KCTD13: variants seen among roughly 807,000 people sequenced by gnomAD.
The protein encoded by KCTD13 is potassium channel tetramerization domain containing 13, also known as BTB/POZ domain-containing adapter for CUL3-mediated RhoA degradation protein 1.
A neutral mutation model predicts 32.3 loss-of-function variants in KCTD13; 15 were observed. The observed-to-expected ratio is 0.46, with a 90% CI of 0.31 to 0.71. KCTD13 has a LOEUF of 0.71. Ranked by LOEUF, KCTD13 falls within the 30% of genes least tolerant of loss-of-function variation. The pLI, the probability that KCTD13 is intolerant of heterozygous loss-of-function variation, is 0.05. For synonymous variants in KCTD13, 189 were observed against 200.1 expected (o/e 0.94, Z 0.47); for missense variants, 337 against 452.6 (o/e 0.74, Z 2.32).
intron 2 of KCTD13, chr16:29,922,944 TG>T: frequency 4.1e-6 from 2 of 491,624 alleles, no homozygotes; most frequent in Non-Finnish European, 7.2e-6. Flanking sequence ...CTGGACTGGC[TG>T]CATAGGAACA....
intron 2 of KCTD13, chr16:29,922,747 G>T: frequency 2.6e-6 from 1 of 385,310 alleles, no homozygotes; most frequent in Non-Finnish European, 4.6e-6. Context: ...AAAGCTCCTG[G>T]GGGGCGGAAG....
Position 29,911,807 on chromosome 16 carries a change from G to A in KCTD13, c.557+8C>T, listed in dbSNP as rs773174042. 2 of 1,612,466 alleles carry A rather than the reference G, an allele frequency of 1.2e-6. No homozygotes were observed. The highest frequency in any genetic ancestry group is 2.2e-5 in the East Asian group (1 of 44,868). On this transcript the variant is annotated splice_region_variant and intron_variant, in intron 4 of 5. Coordinates refer to ENST00000568000, the MANE Select transcript of KCTD13 (RefSeq NM_178863.5). Reference sequence around the variant, plus strand: ...GTCCCGCCCAGTGCCCCGCACCCCGGCGGTCACCTGGTGTAGGAGTACTTG... The same window carrying A: ...GTCCCGCCCAGTGCCCCGCACCCCGACGGTCACCTGGTGTAGGAGTACTTG...
intron 2 of KCTD13, among the ~76,000 whole-genome samples, chr16:29,916,059 G>C (rs993458890): frequency 1.3e-5 from 2 of 152,026 alleles, no homozygotes; most frequent in Non-Finnish European, 1.5e-5. Context: ...AAGCTCCTTA[G>C]CTAGACCATC....
chr16:29,920,288 C>T (rs1239317782), intron 2 of KCTD13: 1 of 152,140 alleles, frequency 6.6e-6, no homozygotes, highest in Non-Finnish European at 1.5e-5. Context: ...CGCGCCACTG[C>T]ACTCCACCCT....
chr16:29,920,962 G>T (rs930883505), intron 2 of KCTD13: 2 of 152,118 alleles, frequency 1.3e-5, no homozygotes, highest in Non-Finnish European at 2.9e-5. Context: ...CGGTTTGTAG[G>T]GGCAGGAACT....
intron 2 of KCTD13, chr16:29,914,450 T>G (rs75365923): frequency 6.6e-6 from 1 of 151,430 alleles, no homozygotes; most frequent in Non-Finnish European, 1.5e-5. Context: ...TTTTTTTTTT[T>G]TTTGAAATGG....
intron 5 of KCTD13, among the ~76,000 whole-genome samples, chr16:29,908,461 T>G (rs567586850): frequency 6.6e-6 from 1 of 152,260 alleles, no homozygotes; most frequent in African/African-American, 2.4e-5. Flanking sequence ...CTCAGCTCAC[T>G]GCAACCTCCA....
intron 1 of KCTD13, chr16:29,925,442 T>C (rs1370505692): frequency 2.8e-6 from 1 of 355,974 alleles, no homozygotes; most frequent in Non-Finnish European, 5.3e-6. Flanking sequence ...GGAGTAGTAC[T>C]GCAGGCAGCA....
At chr16:29,909,048 C>CTCAT (rs2068660581) in intron 5 of KCTD13, among the ~76,000 whole-genome samples, 3 of 132,428 alleles carry the variant, frequency 2.3e-5, no homozygotes, top group Non-Finnish European at 5.4e-5. Context: ...AGCTGGGTCA[C>CTCAT]TGATTCATTC....
chr16:29,912,965 C>G (rs549341628), intron 2 of KCTD13, among the ~76,000 whole-genome samples: 4 of 152,156 alleles, frequency 2.6e-5, no homozygotes, highest in Non-Finnish European at 2.9e-5. Context: ...TCTCTTCTGT[C>G]TTCTAGAATC....
At chr16:29,916,794 A>G (rs11647753) in intron 2 of KCTD13, among the ~76,000 whole-genome samples, 88,742 of 152,092 alleles carry the variant, frequency 0.58, 26,189 homozygotes, top group Non-Finnish European at 0.62. Context: ...CTGGCCCAGA[A>G]TCTGTCATGA....
At chr16:29,922,000 T>G (rs2068922977) in intron 2 of KCTD13, 2 of 152,068 alleles carry the variant, frequency 1.3e-5, no homozygotes, top group Non-Finnish European at 2.9e-5. Flanking sequence ...AGAGCAGGAA[T>G]GCACTTCCAA....
intron 5 of KCTD13, among the ~76,000 whole-genome samples, chr16:29,910,579 G>C (rs188676019): frequency 6.6e-6 from 1 of 152,052 alleles, no homozygotes; most frequent in South Asian, 2.1e-4. Context: ...GGCTGGTCTC[G>C]AACTCCTGGG....
In KCTD13 at chr16:29,925,985, C is replaced by T. The variant is rs774583685; in HGVS notation, c.49G>A (p.Glu17Lys). ...GPAAAAAPSLEAPKPSGLEPG... is the reference protein window; with the variant it reads ...GPAAAAAPSLKAPKPSGLEPG... ...TCGAGACCCGAGGGCTTGGGGGCTT[C>T]CAGGGACGGGGCCGCGGCGGCAGCC... is the stretch of plus-strand genomic sequence containing the variant. The change falls in exon 1 of 6, where the codon GAA becomes AAA. Residue 17 changes from glutamate (E) to lysine (K), a missense_variant. Transcript: ENST00000568000. The T allele has an allele frequency of 2.5e-6, 4 of 1,606,344 alleles. No homozygotes were observed. The highest frequency in any genetic ancestry group is 3.4e-5 in the Admixed American group (2 of 59,230).
At position 29,926,054 on chromosome 16, in the gene KCTD13, G is replaced by A. The variant is rs1459131396; in HGVS notation, c.-21C>T. On this transcript the variant is annotated 5_prime_UTR_variant, in exon 1 of 6. Transcript: ENST00000568000. ...GACATGCCGGGTAGCAGCGGCGGAC[G>A]GCGATCCCAGGATCTCTCCGCGCCC... 2.0e-6 allele frequency: 3 copies of A among 1,476,670 alleles called. No homozygotes were observed. The highest frequency in any genetic ancestry group is 2.5e-5 in the East Asian group (1 of 40,446). 91.5% of individuals were successfully genotyped at this position (1,476,670 alleles called of 1,614,324 possible).
Position 29,925,961 on chromosome 16 carries a change from C to T in KCTD13, c.73G>A (p.Glu25Lys), listed in dbSNP as rs748493723. ...SLEAPKPSGL[E>K]PGPAAYGLKP... ...AGACCGTAGGCGGCGGGGCCAGGCT[C>T]GAGACCCGAGGGCTTGGGGGCTTCC... The change falls in exon 1 of 6, where the codon GAG (glutamate) becomes AAG (lysine). Residue 25 changes from glutamate to lysine, a missense_variant. Transcript: ENST00000568000. 2 of 1,613,214 alleles carry T rather than the reference C, an allele frequency of 1.2e-6. No individual in the cohort carries two copies. Among genetic ancestry groups the T allele is most frequent in the South Asian group, 2.2e-5 (2 of 91,052 alleles).
intron 2 of KCTD13, among the ~76,000 whole-genome samples, chr16:29,917,878 G>A (rs963915139): frequency 4.6e-5 from 7 of 152,154 alleles, no homozygotes; most frequent in Admixed American, 3.9e-4. Flanking sequence ...AACCTGGGAG[G>A]TGGAGGTTGC....
intron 2 of KCTD13, chr16:29,912,453 T>C: frequency 4.3e-6 from 1 of 234,512 alleles, no homozygotes; most frequent in Non-Finnish European, 8.2e-6. Context: ...TTTCTTTTTC[T>C]TTTTTTGAGA....
At chr16:29,911,407 G>T (rs2068706766) in intron 4 of KCTD13, 2 of 566,830 alleles carry the variant, frequency 3.5e-6, no homozygotes, top group African/African-American at 1.9e-5. Context: ...GGGACCGGGA[G>T]CCAGGCCACC....
Sources: allele counts gnomAD v4.1 joint callset (sites outside exome capture counted in the v4.1 genomes callset), GRCh38; gene constraint gnomAD v4.1.1; transcripts MANE v1.5; gene names NCBI Gene and HGNC (gene_info 2026-07-23, HGNC 2026-07-21).